Variants in TSC2 observed in about 807,000 individuals in gnomAD.
The protein encoded by TSC2 is tuberin.
In TSC2, 29 loss-of-function variants were observed where a neutral mutation model predicts 202.2. The observed-to-expected ratio is 0.14, with a 90% CI of 0.11 to 0.20. The LOEUF (loss-of-function observed/expected upper bound fraction) is 0.20. TSC2 is among the 10% of genes least tolerant of loss of function. The probability of loss-of-function intolerance (pLI) is 1.00; values close to 1 mark genes in which losing one functional copy is unlikely to be tolerated. For missense variants in TSC2, 2,429 were observed against 2,420.0 expected (o/e 1.00, Z -0.08); for synonymous variants, 1,349 against 1,044.0 (o/e 1.29, Z -5.63).
chr16:2,056,160 C>A (rs397515057), intron 6 of TSC2, 36 bp from the exon 7 acceptor site: 3 of 1,612,912 alleles, frequency 1.9e-6, no homozygotes, highest in East Asian at 4.5e-5. Context: ...GCCATCCAGG[C>A]AGTGCTGCCG....
intron 24 of TSC2, 62 bp from the exon 25 acceptor site, chr16:2,076,429 C>T: frequency 6.2e-7 from 1 of 1,606,396 alleles, no homozygotes; most frequent in Non-Finnish European, 8.5e-7. Context: ...CCCGGCAGGC[C>T]TGGTGAGGGC....
chr16:2,085,040 C>A lies in TSC2; in HGVS notation c.4569+14C>A. 6.2e-7 allele frequency: 1 copy of A among 1,612,872 alleles called. No homozygotes were observed. Among genetic ancestry groups the A allele is most frequent in the Non-Finnish European group, 8.5e-7 (1 of 1,179,702 alleles). ...CTGCCCAATGAGGTAGGCGTGGCCT[C>A]CCTCTCCTGCATCCGCTGGAGCTGT... On this transcript the variant is annotated intron_variant, in intron 35 of 41. Coordinates refer to ENST00000219476, the MANE Select transcript of TSC2 (RefSeq NM_000548.5).
At chr16:2,072,183 T>G (rs2088537259) in intron 19 of TSC2, 58 bp from the exon 20 acceptor site, 1 of 1,610,988 alleles carries the variant, frequency 6.2e-7, no homozygotes, top group Admixed American at 1.7e-5. Flanking sequence ...AGATGCTAGC[T>G]TCCGCCTCTG....
At chr16:2,063,926 C>G (rs1055387656) in intron 14 of TSC2, 1 of 423,890 alleles carries the variant, frequency 2.4e-6, no homozygotes, top group South Asian at 2.1e-5. Flanking sequence ...CCACACACAC[C>G]CTCACGCACA....
chr16:2,056,842 T>C (rs1026700428), intron 8 of TSC2, 73 bp downstream of exon 8: 133 of 1,593,602 alleles, frequency 8.3e-5, no homozygotes, highest in Non-Finnish European at 1.1e-4. Context: ...CTGTCTCCCA[T>C]GAATGGTTGT....
chr16:2,077,139 G>T (rs1441291717), intron 25 of TSC2, among the ~76,000 whole-genome samples: 1 of 152,218 alleles, frequency 6.6e-6, no homozygotes, highest in East Asian at 1.9e-4. Flanking sequence ...GCCAAGCTCG[G>T]CCATTACGGC....
rs767770242 is a variant in TSC2 at position 2,072,865 on chromosome 16, C to T, written c.2237C>T (p.Thr746Ile). The T allele has an allele frequency of 3.1e-6, 5 of 1,613,650 alleles. No homozygotes were observed. The Admixed American group carries it at 8.3e-5, about 27-fold the overall frequency. ...ALCSMLSGPK[T>I]LERLRGAPEG... ...GGTCATCAGCTTTCAGGCCCAAAGA[C>T]ACTGGAGCGGCTCCGAGGCGCCCCA... The change falls in exon 21 of 42, where the codon ACA (threonine) becomes ATA (isoleucine). Residue 746 changes from threonine (T) to isoleucine (I), a missense_variant. Transcript: ENST00000219476.
At chr16:2,085,405 A>G (rs963635075) in intron 36 of TSC2, 83 bp downstream of exon 36, 25 of 1,432,320 alleles carry the variant, frequency 1.7e-5, no homozygotes, top group African/African-American at 7.0e-5. Context: ...TGGGCCCCCA[A>G]CGCCCCACAG....
chr16:2,080,664 C>A, intron 30 of TSC2: 1 of 425,036 alleles, frequency 2.4e-6, no homozygotes, highest in South Asian at 2.3e-5. Context: ...TTTTGTATTT[C>A]TAGTAGAGAT....
chr16:2,072,671 C>A, intron 20 of TSC2, 178 bp from the exon 21 acceptor site: 1 of 1,035,832 alleles, frequency 9.7e-7, no homozygotes, highest in East Asian at 2.6e-5. Context: ...TGGTGTGTTA[C>A]TTGGCAGGCA....
rs762466695 is a variant in TSC2 at position 2,086,890 on chromosome 16, G to T, written c.4989+19G>T. ...CATCAAGGTGAGTGAGGGGCCGTCA[G>T]TGAGGCTGGGCCCCAGGCAGGTGCC... On this transcript the variant is annotated intron_variant, in intron 38 of 41. Transcript: ENST00000219476. 1.9e-6 allele frequency: 3 copies of T among 1,565,658 alleles called. No individual in the cohort carries two copies. The highest frequency in any genetic ancestry group is 1.7e-6 in the Non-Finnish European group (2 of 1,156,600).
Position 2,056,800 on chromosome 16 carries a change from C to T in TSC2, c.774+31C>T, listed in dbSNP as rs534939971. On this transcript the variant is annotated intron_variant, in intron 8 of 41. Transcript: ENST00000219476. ...GTTTCTGAAACTGCTCTGGAAGGTT[C>T]CTGAGAGCACATGGATGGGACAAGG... is the stretch of plus-strand genomic sequence containing the variant. 5.6e-6 allele frequency: 9 copies of T among 1,603,176 alleles called. No homozygotes were observed. In the South Asian group the frequency reaches 7.7e-5, roughly 14 times the overall value.
intron 26 of TSC2, chr16:2,078,796 C>T: frequency 6.8e-6 from 4 of 589,330 alleles, no homozygotes; most frequent in African/African-American, 1.9e-5. Context: ...TCTCTAGCCT[C>T]CTGAGTCTGC....
At position 2,048,759 on chromosome 16, in the gene TSC2, T is replaced by C. The variant is rs1252109762; in HGVS notation, c.138+6T>C. 5.0e-6 allele frequency: 8 copies of C among 1,613,684 alleles called. No individual in the cohort carries two copies. The highest frequency in any genetic ancestry group is 6.8e-6 in the Non-Finnish European group (8 of 1,179,902). On this transcript the variant is annotated splice_donor_region_variant and intron_variant, in intron 2 of 41. Transcript: ENST00000219476. ...TCACCGCGGAAATACTGAGAGTGAG[T>C]GAGCTACCTGTGTCTTTGCTAGGCT...
chr16:2,068,206 A>C (rs2087675275), intron 16 of TSC2, among the ~76,000 whole-genome samples: 1 of 152,030 alleles, frequency 6.6e-6, no homozygotes, highest in African/African-American at 2.4e-5. Flanking sequence ...CACCTGGCTA[A>C]TTTTTGTATT....
chr16:2,073,116 T>A, intron 21 of TSC2, 133 bp downstream of exon 21: 2 of 1,434,270 alleles, frequency 1.4e-6, no homozygotes, highest in Non-Finnish European at 1.9e-6. Context: ...TCTGCTTCCC[T>A]GGGTGGCTGC....
intron 3 of TSC2, among the ~76,000 whole-genome samples, chr16:2,051,520 T>C (rs961392817): frequency 1.3e-5 from 2 of 152,156 alleles, no homozygotes; most frequent in African/African-American, 4.8e-5. Context: ...TAGAAATATT[T>C]ATTTTGGGCA....
At chr16:2,087,385 T>C (rs1291823638) in intron 38 of TSC2, among the ~76,000 whole-genome samples, 1 of 150,178 alleles carries the variant, frequency 6.7e-6, no homozygotes, top group Non-Finnish European at 1.5e-5. Context: ...CCCAGGATGC[T>C]GAGGCAGCCA....
intron 5 of TSC2, chr16:2,055,189 C>T (rs1328246635): frequency 2.5e-5 from 16 of 635,550 alleles, no homozygotes; most frequent in South Asian, 1.7e-4. Flanking sequence ...GCCCCAGGGG[C>T]GGTAGATCCT....
Sources: allele counts gnomAD v4.1 joint callset (sites outside exome capture counted in the v4.1 genomes callset), GRCh38; gene constraint gnomAD v4.1.1; transcripts MANE v1.5; gene names NCBI Gene and HGNC (gene_info 2026-07-23, HGNC 2026-07-21).